The following PKNOX2 variants were observed in gnomAD, a reference collection of about 807,000 sequenced individuals.
PKNOX2 encodes homeobox protein PKNOX2.
PKNOX2 carries 14 observed loss-of-function variants against 53.1 expected under a neutral mutation model. That is an observed-to-expected ratio of 0.26 (90% CI 0.17 to 0.41). PKNOX2 has a LOEUF of 0.41. Among genes scored for constraint, PKNOX2 ranks in the 10% least tolerant of loss-of-function variants. PKNOX2 has a pLI of 1.00. For missense variants in PKNOX2, 496 were observed against 602.8 expected (o/e 0.82, Z 1.85); for synonymous variants, 257 against 242.8 (o/e 1.06, Z -0.54).
At chr11:125,304,840 G>A (rs1056945878) in intron 2 of PKNOX2, among the ~76,000 whole-genome samples, 3 of 152,174 alleles carry the variant, frequency 2.0e-5, no homozygotes, top group African/African-American at 7.2e-5. Context: ...AGATACATCT[G>A]TGAAGAAAAC....
chr11:125,303,510 G>A (rs545429204), intron 2 of PKNOX2, among the ~76,000 whole-genome samples: 1 of 152,142 alleles, frequency 6.6e-6, no homozygotes, highest in African/African-American at 2.4e-5. Flanking sequence ...TGAGCTCTCT[G>A]GCGCTGCCTG....
chr11:125,303,324 G>A (rs1036753604), intron 2 of PKNOX2, among the ~76,000 whole-genome samples: 3 of 152,176 alleles, frequency 2.0e-5, no homozygotes, highest in Non-Finnish European at 4.4e-5. Context: ...ATGAGCAAAC[G>A]GGGGTACAGG....
At chr11:125,423,876 G>T (rs764384957) in intron 10 of PKNOX2, among the ~76,000 whole-genome samples, 10 of 152,216 alleles carry the variant, frequency 6.6e-5, no homozygotes, top group Non-Finnish European at 1.2e-4. Flanking sequence ...ATAGTTTTGA[G>T]ATTGCAGGAA....
At chr11:125,410,485 G>A (rs986744155) in intron 8 of PKNOX2, 160 bp downstream of exon 8, 13 of 1,039,838 alleles carry the variant, frequency 1.3e-5, no homozygotes, top group South Asian at 1.7e-5. Context: ...GACGGTTAGC[G>A]CCAAGACCCA....
chr11:125,343,709 A>G (rs1276729520), intron 3 of PKNOX2, among the ~76,000 whole-genome samples: 1 of 152,212 alleles, frequency 6.6e-6, no homozygotes. Flanking sequence ...AAAAGGTGTG[A>G]CAGCGAGGCA....
chr11:125,309,655 T>C (rs1232769491), intron 2 of PKNOX2, among the ~76,000 whole-genome samples: 1 of 152,194 alleles, frequency 6.6e-6, no homozygotes, highest in African/African-American at 2.4e-5. Flanking sequence ...TCCAAAGTGC[T>C]GAAATTACAG....
chr11:125,391,911 A>G (rs1954072903), intron 6 of PKNOX2, among the ~76,000 whole-genome samples: 2 of 152,260 alleles, frequency 1.3e-5, no homozygotes, highest in Admixed American at 1.3e-4. Context: ...AAGATTTGGA[A>G]TAAATTTTCA....
At chr11:125,229,547 G>C (rs1240566261) in intron 1 of PKNOX2, among the ~76,000 whole-genome samples, 1 of 152,202 alleles carries the variant, frequency 6.6e-6, no homozygotes, top group Non-Finnish European at 1.5e-5. Flanking sequence ...AGTCAATAAG[G>C]AGTCGTGGAA....
At chr11:125,295,268 T>A (rs1391195390) in intron 2 of PKNOX2, among the ~76,000 whole-genome samples, 1 of 152,088 alleles carries the variant, frequency 6.6e-6, no homozygotes, top group African/African-American at 2.4e-5. Flanking sequence ...AGGGGGAAGG[T>A]ATTGGCACAG....
chr11:125,410,010 A>T, intron 7 of PKNOX2, 186 bp from the exon 8 acceptor site: 1 of 741,256 alleles, frequency 1.3e-6, no homozygotes, highest in Non-Finnish European at 2.1e-6. Context: ...TGTTTTTTTT[A>T]ATTGAGCCTT....
intron 5 of PKNOX2, among the ~76,000 whole-genome samples, chr11:125,377,110 G>C (rs1453918010): frequency 6.6e-6 from 1 of 152,170 alleles, no homozygotes; most frequent in Non-Finnish European, 1.5e-5. Context: ...CCGTTCCAGG[G>C]AAATGGAGCA....
intron 2 of PKNOX2, among the ~76,000 whole-genome samples, chr11:125,265,385 T>C (rs1273762787): frequency 6.6e-6 from 1 of 152,110 alleles, no homozygotes; most frequent in Non-Finnish European, 1.5e-5. Context: ...TCCGATTCAA[T>C]GAACAAACCT....
At chr11:125,358,325 G>A (rs1487222758) in intron 4 of PKNOX2, among the ~76,000 whole-genome samples, 1 of 152,204 alleles carries the variant, frequency 6.6e-6, no homozygotes, top group African/African-American at 2.4e-5. Context: ...GGAAATCACT[G>A]GTTTTGGACT....
intron 2 of PKNOX2, among the ~76,000 whole-genome samples, chr11:125,262,750 G>A (rs1212962297): frequency 2.0e-5 from 3 of 151,928 alleles, no homozygotes; most frequent in East Asian, 1.9e-4. Context: ...CTTTCCACTC[G>A]TTCTGGGCAC....
rs1312961271 is a variant in PKNOX2, at chr11:125,431,236, G to A, written c.1263G>A (p.Met421Ile). The A allele has an allele frequency of 6.2e-7, 1 of 1,613,860 alleles. No individual in the cohort carries two copies. Among genetic ancestry groups the A allele is most frequent in the African/African-American group, 1.3e-5 (1 of 75,046 alleles). ...CCACCATGGCCATGCAGCAGGCTAT[G>A]ATGGCTGCACACGATGACTCATTGG... ...DSATMAMQQA[M>I]MAAHDDSLDG... The change falls in exon 13 of 13, where the codon ATG becomes ATA. Residue 421 changes from methionine (M) to isoleucine (I), a missense_variant. By Grantham distance (10) the Met-to-Ile change is conservative (BLOSUM62 1). Around this residue, in one of 5 missense-constraint regions of PKNOX2, gnomAD observed 139 missense variants for 161.3 expected, o/e 0.86. Transcript: ENST00000298282.
intron 7 of PKNOX2, among the ~76,000 whole-genome samples, chr11:125,405,361 T>C (rs1955023232): frequency 6.6e-6 from 1 of 152,228 alleles, no homozygotes; most frequent in Admixed American, 6.5e-5. Context: ...CTTCCTTGAG[T>C]GGAAATGAAG....
chr11:125,319,215 C>T (rs1176591163), intron 2 of PKNOX2, among the ~76,000 whole-genome samples: 1 of 152,194 alleles, frequency 6.6e-6, no homozygotes. Flanking sequence ...GCCTCACACA[C>T]ATGACATTTA....
At chr11:125,167,125 G>A (rs897421230) in intron 1 of PKNOX2, among the ~76,000 whole-genome samples, 5 of 151,602 alleles carry the variant, frequency 3.3e-5, no homozygotes, top group Non-Finnish European at 5.9e-5. Flanking sequence ...TGTGGGGTGT[G>A]GGGTGGGAAG....
intron 2 of PKNOX2, among the ~76,000 whole-genome samples, chr11:125,285,293 T>G (rs1192242132): frequency 6.6e-6 from 1 of 152,078 alleles, no homozygotes; most frequent in Non-Finnish European, 1.5e-5. Context: ...GAAGGAACGT[T>G]GGGAAAACAC....
Sources: allele counts gnomAD v4.1 joint callset (sites outside exome capture counted in the v4.1 genomes callset), GRCh38; gene constraint gnomAD v4.1.1; regional missense constraint gnomAD v4.1.1; transcripts MANE v1.5; gene names NCBI Gene and HGNC (gene_info 2026-07-23, HGNC 2026-07-21).